The following SPIDR variants were observed in gnomAD, a reference collection of about 807,000 sequenced individuals.
SPIDR encodes the protein DNA repair-scaffolding protein.
Under a neutral mutation model 104.6 loss-of-function variants are expected in SPIDR, and 93 were observed. The ratio of observed to expected loss-of-function variants is 0.89; its 90% CI spans 0.75 to 1.06. The LOEUF is 1.06. Ranked by LOEUF, SPIDR falls within the 50% of genes least tolerant of loss-of-function variation. The probability of loss-of-function intolerance (pLI) is 0.00; values close to 1 mark genes in which losing one functional copy is unlikely to be tolerated. For synonymous variants in SPIDR, 431 were observed against 416.9 expected (o/e 1.03, Z -0.41); for missense variants, 1,154 against 1,111.2 (o/e 1.04, Z -0.55).
At chr8:47,289,493 T>G (rs2039505648) in intron 3 of SPIDR, among the ~76,000 whole-genome samples, 1 of 152,212 alleles carries the variant, frequency 6.6e-6, no homozygotes, top group Non-Finnish European at 1.5e-5. Flanking sequence ...TATATTCCTT[T>G]TCTGACCAAT....
chr8:47,684,126 CAAAAAAAA>C lies in SPIDR; in HGVS notation c.1685+10203_1685+10210del, dbSNP rs748328609. 3.1e-3 allele frequency among the ~76,000 whole-genome samples: 119 copies of C among 38,128 alleles called. No homozygotes were observed. The East Asian group carries it at 0.074, about 24-fold the overall frequency. 25.0% of individuals were successfully genotyped at this position (38,128 alleles called of 152,430 possible). ...TGGGTGACAGAACAAGACTCTGTCT[CAAAAAAAA>C]AAAAAAAAAAAAAAAAACCTGATTA... On this transcript the variant is annotated intron_variant, in intron 11 of 19. Transcript: ENST00000297423.
intron 14 of SPIDR, among the ~76,000 whole-genome samples, chr8:47,708,320 A>G (rs1163405672): frequency 6.6e-6 from 1 of 152,166 alleles, no homozygotes; most frequent in Non-Finnish European, 1.5e-5. Context: ...AACAAACAAA[A>G]AACTTTCCCT....
chr8:47,520,823 C>G (rs2083949024), intron 8 of SPIDR, among the ~76,000 whole-genome samples: 1 of 152,162 alleles, frequency 6.6e-6, no homozygotes, highest in Non-Finnish European at 1.5e-5. Context: ...ATCCTATGAT[C>G]TGTAGATGAA....
intron 11 of SPIDR, among the ~76,000 whole-genome samples, chr8:47,685,497 A>ATTT (rs1383864694): frequency 7.1e-5 from 8 of 113,192 alleles, no homozygotes; most frequent in African/African-American, 1.6e-4. Flanking sequence ...TTATTTATTT[A>ATTT]TTTATTTATT....
chr8:47,713,769 G>A lies in SPIDR; in HGVS notation c.2341+128G>A. ...AAGTTCCAGACACTGGATACATAAA[G>A]AACAAAAGCAGAAATTGTTCTTGGT... On this transcript the variant is annotated intron_variant, in intron 16 of 19. Transcript: ENST00000297423. The A allele has an allele frequency of 9.5e-6, 12 of 1,259,360 alleles. No homozygotes were observed. The South Asian group carries it at 1.5e-4, about 16-fold the overall frequency. 78.0% of individuals were successfully genotyped at this position (1,259,360 alleles called of 1,614,324 possible). A position where few individuals can be genotyped will look rare whatever the true frequency, so the allele number is the denominator to read the frequency against.
intron 10 of SPIDR, among the ~76,000 whole-genome samples, chr8:47,630,542 T>A (rs1244345285): frequency 6.6e-6 from 1 of 152,204 alleles, no homozygotes; most frequent in Admixed American, 6.5e-5. Context: ...AACTTTCCAT[T>A]GCTATAAATA....
intron 8 of SPIDR, among the ~76,000 whole-genome samples, chr8:47,506,440 C>T (rs367941565): frequency 5.9e-5 from 9 of 152,046 alleles, no homozygotes; most frequent in Admixed American, 1.3e-4. Flanking sequence ...TCAGGGTGAT[C>T]GTTCTTTCTT....
chr8:47,711,897 G>A (rs571711073), intron 14 of SPIDR, among the ~76,000 whole-genome samples: 20 of 152,000 alleles, frequency 1.3e-4, no homozygotes, highest in Non-Finnish European at 2.5e-4. Context: ...CCTCAGCTAC[G>A]CACCACACAA....
At chr8:47,376,463 T>TA (rs2058674852) in intron 5 of SPIDR, among the ~76,000 whole-genome samples, 1 of 152,190 alleles carries the variant, frequency 6.6e-6, no homozygotes, top group Non-Finnish European at 1.5e-5. Flanking sequence ...TTTACCCAGA[T>TA]AAAGTTTGAA....
intron 6 of SPIDR, among the ~76,000 whole-genome samples, chr8:47,399,057 A>C (rs1554660563): frequency 6.6e-6 from 1 of 152,232 alleles, no homozygotes; most frequent in Non-Finnish European, 1.5e-5. Context: ...ACTCTGGAGA[A>C]GTTTTGCTTT....
At chr8:47,333,287 G>C (rs1554605919) in intron 5 of SPIDR, among the ~76,000 whole-genome samples, 1 of 152,006 alleles carries the variant, frequency 6.6e-6, no homozygotes, top group African/African-American at 2.4e-5. Flanking sequence ...TAAGTGAAAG[G>C]AGCATACTTT....
intron 8 of SPIDR, among the ~76,000 whole-genome samples, chr8:47,522,020 C>T (rs761375425): frequency 1.3e-5 from 2 of 151,596 alleles, no homozygotes; most frequent in Non-Finnish European, 1.5e-5. Flanking sequence ...AAAAATTAGC[C>T]ATGCATGGTG....
In SPIDR at chr8:47,349,830, G is replaced by A. The variant is rs188589271; in HGVS notation, c.526-46546G>A. ...TGTTTGCTAAGACCATTGGAAAAGC[G>A]CAGTATTAGGGCGGGAGTGTCCCGA... On this transcript the variant is annotated intron_variant, in intron 5 of 19. Transcript: ENST00000297423. 4.9e-3 allele frequency among the ~76,000 whole-genome samples: 751 copies of A among 152,328 alleles called. 5 individuals are homozygous for A. Among genetic ancestry groups the A allele is most frequent in the African/African-American group, 0.017 (709 of 41,580 alleles).
In SPIDR at chr8:47,564,577, G is replaced by A. The variant is rs1023063924; in HGVS notation, c.1098-31234G>A. 1.2e-4 allele frequency among the ~76,000 whole-genome samples: 18 copies of A among 152,068 alleles called. No homozygotes were observed. In the East Asian group the frequency reaches 2.7e-3, roughly 23 times the overall value. On this transcript the variant is annotated intron_variant, in intron 8 of 19. Transcript: ENST00000297423. ...TGCCTGTAGTTCCAGCTATTCAGGA[G>A]GCTGAGGCAGGAGAATCTCTTGAAC...
intron 1 of SPIDR, among the ~76,000 whole-genome samples, chr8:47,278,034 C>T (rs1439401157): frequency 6.6e-6 from 1 of 151,946 alleles, no homozygotes; most frequent in Non-Finnish European, 1.5e-5. Context: ...TACTTTTCCA[C>T]CAGCCATGCA....
chr8:47,713,386 C>T (rs1357074895), intron 15 of SPIDR, 103 bp from the exon 16 acceptor site: 1 of 1,520,848 alleles, frequency 6.6e-7, no homozygotes, highest in Non-Finnish European at 9.0e-7. Flanking sequence ...CATAACTGCA[C>T]CTTCACCTGC....
intron 8 of SPIDR, among the ~76,000 whole-genome samples, chr8:47,557,139 C>T (rs1043991188): frequency 6.6e-6 from 1 of 152,086 alleles, no homozygotes; most frequent in African/African-American, 2.4e-5. Flanking sequence ...GATAATGAGA[C>T]TTCGGCTCCT....
intron 8 of SPIDR, among the ~76,000 whole-genome samples, chr8:47,579,233 C>G (rs1159082348): frequency 1.3e-5 from 2 of 152,166 alleles, no homozygotes; most frequent in African/African-American, 4.8e-5. Flanking sequence ...AAGTCACAAA[C>G]AGAGGTGGTG....
Position 47,713,494 on chromosome 8 carries a change from A to G in SPIDR, c.2194A>G (p.Ile732Val), listed in dbSNP as rs1589442632. ...FKDALRDQGR[I>V]VCAERTVLLL... Reference sequence around the variant, plus strand: ...TGAAGTGTCTCTGTCGGCAGGTCGGATTGTTTGTGCTGAACGAACTGTCCT... The same window carrying G: ...TGAAGTGTCTCTGTCGGCAGGTCGGGTTGTTTGTGCTGAACGAACTGTCCT... The change falls in exon 16 of 20, where the codon ATT becomes GTT. Residue 732 changes from isoleucine to valine, a missense_variant. By Grantham distance (29) the Ile-to-Val change is conservative. Transcript: ENST00000297423. The G allele has an allele frequency of 1.2e-6, 2 of 1,614,032 alleles. No individual in the cohort carries two copies. The highest frequency in any genetic ancestry group is 1.1e-5 in the South Asian group (1 of 91,078).
Sources: allele counts gnomAD v4.1 joint callset (sites outside exome capture counted in the v4.1 genomes callset), GRCh38; gene constraint gnomAD v4.1.1; transcripts MANE v1.5; gene names NCBI Gene and HGNC (gene_info 2026-07-23, HGNC 2026-07-21).